SEC22C: variants seen among roughly 807,000 people sequenced by gnomAD.
SEC22C encodes SEC22 homolog C, vesicle trafficking protein.
In SEC22C, 29 loss-of-function variants were observed where a neutral mutation model predicts 34.7. The observed-to-expected ratio is 0.84, with a 90% confidence interval of 0.62 to 1.14. SEC22C has a LOEUF of 1.14. SEC22C is among the 50% of genes most tolerant of loss of function. The probability of loss-of-function intolerance (pLI) is 0.00; values close to 1 mark genes in which losing one functional copy is unlikely to be tolerated. For synonymous variants in SEC22C, 117 were observed against 132.8 expected (o/e 0.88, Z 0.82); for missense variants, 337 against 369.0 (o/e 0.91, Z 0.71).
intron 1 of SEC22C, among the ~76,000 whole-genome samples, chr3:42,580,911 T>C (rs755890277): frequency 1.3e-5 from 2 of 152,240 alleles, no homozygotes; most frequent in Non-Finnish European, 2.9e-5. Flanking sequence ...ATCCACTGTA[T>C]TACCTTGAAG....
At chr3:42,599,166 C>G (rs1368767871) in intron 1 of SEC22C, among the ~76,000 whole-genome samples, 1 of 151,014 alleles carries the variant, frequency 6.6e-6, no homozygotes, top group Non-Finnish European at 1.5e-5. Context: ...AGGGTTTCAC[C>G]GTGTTAGCCA....
rs1455648707 is a variant in SEC22C at position 42,552,654 on chromosome 3, C to T, written c.*594G>A. On this transcript the variant is annotated 3_prime_UTR_variant, in exon 7 of 7. Coordinates refer to ENST00000264454, the MANE Select transcript of SEC22C (RefSeq NM_032970.4). ...TTTTCTCAGCTTAAGTTTGCCCTCA[C>T]CCTAAATGAAGTCCAATTTATATCC... The T allele has an allele frequency of 6.1e-6, 6 of 983,870 alleles. No individual in the cohort carries two copies. In the South Asian group the frequency reaches 2.8e-4, roughly 46 times the overall value. 60.9% of individuals were successfully genotyped at this position (983,870 alleles called of 1,614,324 possible). A position where few individuals can be genotyped will look rare whatever the true frequency, so the allele number is the denominator to read the frequency against.
chr3:42,560,272 A>T (rs1343017745), intron 4 of SEC22C, among the ~76,000 whole-genome samples: 6 of 148,254 alleles, frequency 4.0e-5, no homozygotes, highest in Non-Finnish European at 8.9e-5. Context: ...TCTTTATAAC[A>T]TTTAAACTTG....
chr3:42,573,112 A>T (rs552357761), intron 1 of SEC22C, among the ~76,000 whole-genome samples: 2 of 152,264 alleles, frequency 1.3e-5, no homozygotes, highest in African/African-American at 4.8e-5. Flanking sequence ...TCGGCCTCTC[A>T]AAGTGGCGGG....
intron 4 of SEC22C, among the ~76,000 whole-genome samples, chr3:42,559,602 A>C (rs1275829087): frequency 6.6e-6 from 1 of 152,264 alleles, no homozygotes; most frequent in Non-Finnish European, 1.5e-5. Context: ...AAAACCATGA[A>C]TATAATACAT....
intron 5 of SEC22C, among the ~76,000 whole-genome samples, chr3:42,556,214 G>A (rs1198414742): frequency 6.6e-6 from 1 of 152,190 alleles, no homozygotes; most frequent in Non-Finnish European, 1.5e-5. Context: ...CCATGTGACT[G>A]TGCTAAGTCT....
At position 42,548,898 on chromosome 3, in the gene SEC22C, G is replaced by C; in HGVS notation, c.*4350C>G. The C allele has an allele frequency of 5.9e-6, 8 of 1,352,604 alleles. No individual in the cohort carries two copies. Among genetic ancestry groups the C allele is most frequent in the Non-Finnish European group, 7.6e-6 (8 of 1,049,668 alleles). The allele number at this position is 1,352,604 out of a possible 1,614,324, so 83.8% of individuals were successfully genotyped here. On this transcript the variant is annotated 3_prime_UTR_variant, in exon 7 of 7. Transcript: ENST00000264454. Reference sequence around the variant, plus strand: ...AGCCTTTCTCCTCCCACACACAATGGACTCACCCAGTATTACCCTCCACTA... The same window carrying C: ...AGCCTTTCTCCTCCCACACACAATGCACTCACCCAGTATTACCCTCCACTA...
chr3:42,550,445 A>G lies in SEC22C; in HGVS notation c.*2803T>C. 1.0e-6 allele frequency: 1 copy of G among 985,396 alleles called. No individual in the cohort carries two copies. 61.0% of individuals were successfully genotyped at this position (985,396 alleles called of 1,614,324 possible). A position where few individuals can be genotyped will look rare whatever the true frequency, so the allele number is the denominator to read the frequency against. On this transcript the variant is annotated 3_prime_UTR_variant, in exon 7 of 7. Coordinates refer to ENST00000264454, the MANE Select transcript of SEC22C (RefSeq NM_032970.4). ...TCCAACCCTGAACCAAGTCAAACCT[A>G]AGCCTGGGGATTTCCCTCGGATGAA... is the stretch of plus-strand genomic sequence containing the variant.
At chr3:42,571,459 T>C (rs767884705) in intron 1 of SEC22C, among the ~76,000 whole-genome samples, 1 of 152,198 alleles carries the variant, frequency 6.6e-6, no homozygotes, top group South Asian at 2.1e-4. Flanking sequence ...TTTGTGTGTA[T>C]TTGTGAGTGT....
chr3:42,565,849 C>T (rs904762703), intron 2 of SEC22C: 8 of 453,074 alleles, frequency 1.8e-5, no homozygotes, highest in Non-Finnish European at 3.1e-5. Context: ...GGAACTAACA[C>T]ACTCCTTACT....
At chr3:42,553,484 A>C (rs764704901) in intron 6 of SEC22C, 36 bp from the exon 7 acceptor site, 91 of 1,602,780 alleles carry the variant, frequency 5.7e-5, no homozygotes, top group Non-Finnish European at 1.0e-5. Context: ...CCAATCAGAG[A>C]TAAAATGGCC....
At chr3:42,559,740 TA>T (rs1702756306) in intron 4 of SEC22C, among the ~76,000 whole-genome samples, 1 of 152,228 alleles carries the variant, frequency 6.6e-6, no homozygotes, top group African/African-American at 2.4e-5. Flanking sequence ...ATTCTTCGAA[TA>T]TAAATATCCA....
chr3:42,569,128 AC>A, intron 1 of SEC22C, 55 bp from the exon 2 acceptor site: 2 of 1,163,902 alleles, frequency 1.7e-6, no homozygotes, highest in Non-Finnish European at 2.5e-6. Flanking sequence ...TGCCAGAAAT[AC>A]CCCCACCTGT....
Position 42,548,839 on chromosome 3 carries a change from A to G in SEC22C, c.*4409T>C. The G allele has an allele frequency of 7.1e-7, 1 of 1,411,672 alleles. No individual in the cohort carries two copies. The highest frequency in any genetic ancestry group is 2.5e-5 in the East Asian group (1 of 39,568). 87.4% of individuals were successfully genotyped at this position (1,411,672 alleles called of 1,614,324 possible). A position where few individuals can be genotyped will look rare whatever the true frequency, so the allele number is the denominator to read the frequency against. On this transcript the variant is annotated 3_prime_UTR_variant, in exon 7 of 7. Coordinates refer to ENST00000264454, the MANE Select transcript of SEC22C (RefSeq NM_032970.4). ...GAAATGGCTGTGCTGTGCTGCCTGAAGCAGAAAAACCTTCATGTACCAGGT... is the reference window on the plus strand; with the variant it reads ...GAAATGGCTGTGCTGTGCTGCCTGAGGCAGAAAAACCTTCATGTACCAGGT...
Position 42,550,967 on chromosome 3 carries a change from C to G in SEC22C, c.*2281G>C. On this transcript the variant is annotated 3_prime_UTR_variant, in exon 7 of 7. Coordinates refer to ENST00000264454, the MANE Select transcript of SEC22C (RefSeq NM_032970.4). ...CACTGCAACCTCCACCTCCCGGGTTCAAGAGATTCTCCTGCCTCAGCCTCC... is the reference window on the plus strand; with the variant it reads ...CACTGCAACCTCCACCTCCCGGGTTGAAGAGATTCTCCTGCCTCAGCCTCC... 1.3e-6 allele frequency: 1 copy of G among 763,090 alleles called. No homozygotes were observed. Among genetic ancestry groups the G allele is most frequent in the Non-Finnish European group, 1.6e-6 (1 of 629,748 alleles). 47.3% of individuals were successfully genotyped at this position (763,090 alleles called of 1,614,324 possible).
chr3:42,557,557 T>A (rs540972222), intron 5 of SEC22C, 21 bp downstream of exon 5: 443 of 1,004,754 alleles, frequency 4.4e-4, no homozygotes, highest in South Asian at 6.3e-4. Flanking sequence ...TAAACTGTTT[T>A]AAAAAAAAAA....
chr3:42,590,918 G>A, intron 1 of SEC22C: 1 of 1,613,320 alleles, frequency 6.2e-7, no homozygotes, highest in Non-Finnish European at 8.5e-7. Flanking sequence ...CCTTCGTACC[G>A]GACTGGCTGA....
At chr3:42,599,295 A>C (rs1023713639) in intron 1 of SEC22C, among the ~76,000 whole-genome samples, 4 of 151,918 alleles carry the variant, frequency 2.6e-5, no homozygotes, top group African/African-American at 7.3e-5. Flanking sequence ...TTTAAAAAAA[A>C]AACTTATAAA....
At chr3:42,588,418 A>C (rs13089845) in intron 1 of SEC22C, among the ~76,000 whole-genome samples, 26,156 of 152,048 alleles carry the variant, frequency 0.17, 2,735 homozygotes, top group African/African-American at 0.29. Context: ...AAACAACAAC[A>C]ACAAAAAAAC....
Sources: allele counts gnomAD v4.1 joint callset (sites outside exome capture counted in the v4.1 genomes callset), GRCh38; gene constraint gnomAD v4.1.1; transcripts MANE v1.5; gene names NCBI Gene and HGNC (gene_info 2026-07-23, HGNC 2026-07-21).